The following SMCO4 variants were observed in gnomAD, a reference collection of about 807,000 sequenced individuals.
SMCO4 encodes the protein single-pass membrane protein with coiled-coil domains 4.
A neutral mutation model predicts 3.6 loss-of-function variants in SMCO4; 4 were observed. The observed-to-expected ratio is 1.11, with a 90% CI of 0.54 to 2.53. SMCO4 has a LOEUF of 2.53. Ranked by LOEUF, SMCO4 falls within the 30% of genes most tolerant of loss-of-function variation. The probability of loss-of-function intolerance (pLI) is 0.02; values close to 1 mark genes in which losing one functional copy is unlikely to be tolerated. For missense variants in SMCO4, 70 were observed against 80.8 expected (o/e 0.87, Z 0.51); for synonymous variants, 36 against 35.3 (o/e 1.02, Z -0.07).
At chr11:93,538,566 G>A (rs1949247366) in intron 1 of SMCO4, among the ~76,000 whole-genome samples, 2 of 152,196 alleles carry the variant, frequency 1.3e-5, no homozygotes, top group South Asian at 4.1e-4. Flanking sequence ...GGAAGGGAAG[G>A]CCCTTTCGGA....
chr11:93,524,611 T>G (rs1465138567), intron 1 of SMCO4, among the ~76,000 whole-genome samples: 2 of 152,118 alleles, frequency 1.3e-5, no homozygotes, highest in Non-Finnish European at 2.9e-5. Context: ...GCAGCATTAC[T>G]GCCAGGCCCC....
chr11:93,485,939 A>G (rs1948643703), intron 2 of SMCO4, among the ~76,000 whole-genome samples: 1 of 152,212 alleles, frequency 6.6e-6, no homozygotes, highest in African/African-American at 2.4e-5. Flanking sequence ...GGGAACAAGC[A>G]CAATCTCAAC....
intron 2 of SMCO4, among the ~76,000 whole-genome samples, chr11:93,492,157 T>G (rs1948724944): frequency 6.6e-6 from 1 of 152,018 alleles, no homozygotes; most frequent in Non-Finnish European, 1.5e-5. Flanking sequence ...GACAGGCGAG[T>G]AAGCTCCAGC....
chr11:93,490,754 G>A (rs779139507), intron 2 of SMCO4, among the ~76,000 whole-genome samples: 1 of 152,182 alleles, frequency 6.6e-6, no homozygotes, highest in Non-Finnish European at 1.5e-5. Context: ...ATTTAGCTGC[G>A]GCTCTAAAAG....
chr11:93,492,633 C>A (rs950507427), intron 2 of SMCO4, among the ~76,000 whole-genome samples: 12 of 152,144 alleles, frequency 7.9e-5, no homozygotes, highest in Admixed American at 2.6e-4. Flanking sequence ...CTGGAGCAAG[C>A]CCCAAGGAGA....
chr11:93,521,947 C>G (rs1949061466), intron 1 of SMCO4, among the ~76,000 whole-genome samples: 1 of 152,226 alleles, frequency 6.6e-6, no homozygotes, highest in African/African-American at 2.4e-5. Context: ...CACCTACACA[C>G]AGCCTTACTG....
intron 2 of SMCO4, among the ~76,000 whole-genome samples, chr11:93,489,233 A>T (rs1223742867): frequency 6.6e-6 from 1 of 152,224 alleles, no homozygotes; most frequent in African/African-American, 2.4e-5. Context: ...TCTCACCTGA[A>T]AAATGGGGCT....
intron 2 of SMCO4, among the ~76,000 whole-genome samples, chr11:93,485,617 G>C (rs958198037): frequency 6.6e-6 from 1 of 152,098 alleles, no homozygotes; most frequent in Non-Finnish European, 1.5e-5. Context: ...CACTTCTCGG[G>C]GACTGCAAAT....
intron 2 of SMCO4, chr11:93,481,471 A>G (rs1251433369): frequency 1.0e-6 from 1 of 985,306 alleles, no homozygotes; most frequent in African/African-American, 1.7e-5. Context: ...GAAGCTGTAT[A>G]ACTCAGGGCT....
intron 2 of SMCO4, among the ~76,000 whole-genome samples, chr11:93,492,016 A>C (rs1948723421): frequency 6.6e-6 from 1 of 152,254 alleles, no homozygotes; most frequent in African/African-American, 2.4e-5. Context: ...TTAATTACAG[A>C]GCCTGGCTGA....
rs1422586395 is a variant in SMCO4, at chr11:93,543,374, G to C, written c.-252C>G. ...TCCCCGCCTCGCCTCTCCTCTCGGC[G>C]CCCGCGCGGGCGACTCTGGCGCGCC... On this transcript the variant is annotated 5_prime_UTR_variant, in exon 1 of 3. Coordinates refer to ENST00000298966, the MANE Select transcript of SMCO4 (RefSeq NM_020179.3). The C allele has an allele frequency of 6.6e-6, 1 of 152,092 alleles. No homozygotes were observed. The highest frequency in any genetic ancestry group is 1.5e-5 in the Non-Finnish European group (1 of 67,818). 9.4% of individuals were successfully genotyped at this position (152,092 alleles called of 1,614,324 possible).
chr11:93,535,430 A>T, intron 1 of SMCO4: 1 of 1,258,364 alleles, frequency 7.9e-7, no homozygotes, highest in Non-Finnish European at 1.1e-6. Context: ...TCTCACTGCT[A>T]GGGGCTTAAG....
upstream of SMCO4, among the ~76,000 whole-genome samples, chr11:93,545,656 A>G (rs185800811): frequency 4.1e-4 from 62 of 150,864 alleles, 1 homozygote; most frequent in Admixed American, 4.0e-3. Context: ...TTTATAGGTT[A>G]GAGTTGTGTA....
Position 93,479,213 on chromosome 11 carries a change from G to GT in SMCO4, c.-25dup, listed in dbSNP as rs763585208. 20 of 1,609,900 alleles carry GT rather than the reference G, an allele frequency of 1.2e-5. 1 individual carries two copies. The South Asian group carries it at 2.0e-4, about 16-fold the overall frequency. ...ATCTTTCCTAGAGGATGCTAGGAGG[G>GT]TGTGTCCAGAGGGATTCCAGGAAGG... On this transcript the variant is annotated 5_prime_UTR_variant, in exon 3 of 3. Coordinates refer to ENST00000298966, the MANE Select transcript of SMCO4 (RefSeq NM_020179.3).
intron 1 of SMCO4, among the ~76,000 whole-genome samples, chr11:93,501,721 A>T (rs1316430320): frequency 6.6e-6 from 1 of 152,082 alleles, no homozygotes; most frequent in South Asian, 2.1e-4. Context: ...GGTTCCAGGG[A>T]TGTTCTAATC....
At chr11:93,514,415 T>TATATACACAC (rs1948990013) in intron 1 of SMCO4, among the ~76,000 whole-genome samples, 1 of 50,734 alleles carries the variant, frequency 2.0e-5, no homozygotes, top group Non-Finnish European at 4.9e-5. Context: ...TATATATATA[T>TATATACACAC]ATATATAAAA....
At chr11:93,537,674 T>C (rs1476946958) in intron 1 of SMCO4, among the ~76,000 whole-genome samples, 3 of 151,754 alleles carry the variant, frequency 2.0e-5, no homozygotes, top group African/African-American at 7.3e-5. Context: ...TCTTCTCCCA[T>C]TAAAACATGT....
At chr11:93,526,590 A>C (rs540057401) in intron 1 of SMCO4, among the ~76,000 whole-genome samples, 2 of 152,290 alleles carry the variant, frequency 1.3e-5, no homozygotes, top group South Asian at 4.1e-4. Flanking sequence ...GAAATAAAGC[A>C]AACCTGCTGC....
intron 1 of SMCO4, among the ~76,000 whole-genome samples, chr11:93,506,612 G>T (rs1451894781): frequency 6.6e-6 from 1 of 151,310 alleles, no homozygotes; most frequent in Non-Finnish European, 1.5e-5. Flanking sequence ...CTAATTTTTT[G>T]TTTTTTTTGT....
Sources: allele counts gnomAD v4.1 joint callset (sites outside exome capture counted in the v4.1 genomes callset), GRCh38; gene constraint gnomAD v4.1.1; transcripts MANE v1.5; gene names NCBI Gene and HGNC (gene_info 2026-07-23, HGNC 2026-07-21).